Variants in SRGAP3 observed in about 807,000 individuals in gnomAD.
SRGAP3 encodes the protein SLIT-ROBO Rho GTPase activating protein 3.
A neutral mutation model predicts 121.1 loss-of-function variants in SRGAP3; 39 were observed. The ratio of observed to expected loss-of-function variants is 0.32; its 90% CI spans 0.25 to 0.42. The LOEUF is 0.42. Ranked by LOEUF, SRGAP3 falls within the 10% of genes least tolerant of loss-of-function variation. The pLI is 1.00. For synonymous variants in SRGAP3, 601 were observed against 570.0 expected (o/e 1.05, Z -0.77); for missense variants, 1,213 against 1,470.6 (o/e 0.82, Z 2.86).
At chr3:9,163,895 T>G (rs1400396582) in intron 1 of SRGAP3, among the ~76,000 whole-genome samples, 1 of 152,018 alleles carries the variant, frequency 6.6e-6, no homozygotes, top group Non-Finnish European at 1.5e-5. Context: ...TAGTACCCAT[T>G]GTTTCCATTG....
intron 3 of SRGAP3, among the ~76,000 whole-genome samples, chr3:9,266,226 A>G (rs1477782912): frequency 6.6e-6 from 1 of 152,096 alleles, no homozygotes; most frequent in Non-Finnish European, 1.5e-5. Flanking sequence ...CTGTCATGGC[A>G]TGGGGGGCAA....
Position 9,064,455 on chromosome 3 carries a change from G to T in SRGAP3, c.613C>A (p.His205Asn). Residue 205 changes from histidine (H) to asparagine (N), a missense_variant, in exon 5 of 22, where the codon CAC becomes AAC. By Grantham distance (68) the His-to-Asn change is moderately conservative (BLOSUM62 1). Around this residue, in one of 2 missense-constraint regions of SRGAP3, gnomAD observed 793 missense variants for 1,032.9 expected, o/e 0.77. Transcript: ENST00000383836. ...SGDLSMNLLR[H>N]EDRPQRRSSV... is the part of the protein sequence containing the mutation. ...CTGCGGCGCTGGGGCCGGTCCTCGT[G>T]CCGGAGCAGGTTCATGCTGAGGTCT... 2 of 1,614,228 alleles carry T rather than the reference G, an allele frequency of 1.2e-6. No homozygotes were observed. Among genetic ancestry groups the T allele is most frequent in the Non-Finnish European group, 1.7e-6 (2 of 1,180,044 alleles).
At chr3:9,258,572 T>C (rs1365921123) in intron 3 of SRGAP3, among the ~76,000 whole-genome samples, 1 of 152,122 alleles carries the variant, frequency 6.6e-6, no homozygotes, top group African/African-American at 2.4e-5. Context: ...AGAAAATATT[T>C]TGAGAGACAA....
intron 18 of SRGAP3, among the ~76,000 whole-genome samples, chr3:8,997,389 T>A (rs1199898027): frequency 6.6e-6 from 1 of 152,192 alleles, no homozygotes; most frequent in Non-Finnish European, 1.5e-5. Context: ...ACTTCCATAC[T>A]TGCTTAGGTA....
chr3:9,249,024 G>A lies in SRGAP3; in HGVS notation c.-73C>T, dbSNP rs1375933748. 1.4e-6 allele frequency: 2 copies of A among 1,453,086 alleles called. No individual in the cohort carries two copies. Among genetic ancestry groups the A allele is most frequent in the Non-Finnish European group, 9.7e-7 (1 of 1,034,886 alleles). 90.0% of individuals were successfully genotyped at this position (1,453,086 alleles called of 1,614,324 possible). A position where few individuals can be genotyped will look rare whatever the true frequency, so the allele number is the denominator to read the frequency against. Reference sequence around the variant, plus strand: ...CTTTTCTTTTCGAGTCCTCTCTCAAGCCCTGGTAATCACACAGCTCTGGTC... The same window carrying A: ...CTTTTCTTTTCGAGTCCTCTCTCAAACCCTGGTAATCACACAGCTCTGGTC... On this transcript the variant is annotated 5_prime_UTR_variant, in exon 1 of 22. Coordinates refer to ENST00000383836, the MANE Select transcript of SRGAP3 (RefSeq NM_014850.4).
chr3:9,022,991 G>C (rs1015448241), intron 14 of SRGAP3, among the ~76,000 whole-genome samples: 3 of 152,214 alleles, frequency 2.0e-5, no homozygotes, highest in African/African-American at 7.2e-5. Flanking sequence ...GCAAGTGACA[G>C]GAGGTGCTGA....
At chr3:9,333,751 T>C (rs1391928461) in intron 1 of SRGAP3, among the ~76,000 whole-genome samples, 2 of 152,170 alleles carry the variant, frequency 1.3e-5, no homozygotes, top group Non-Finnish European at 2.9e-5. Context: ...TACAATTTGG[T>C]AGACTTAATC....
At chr3:9,276,970 G>A (rs1005307057) in intron 3 of SRGAP3, among the ~76,000 whole-genome samples, 8 of 152,242 alleles carry the variant, frequency 5.3e-5, no homozygotes, top group East Asian at 1.9e-4. Flanking sequence ...TAACCAGCAC[G>A]TTTGGGTTGA....
In SRGAP3 at chr3:8,980,677, A is replaced by G. The variant is rs766893801; in HGVS notation, c.*4842T>C. ...ATCAGAATACGCGACAGAGGATCCA[A>G]TCAGACACTCTATAGGACGGGCGTT... On this transcript the variant is annotated 3_prime_UTR_variant, in exon 22 of 22. Transcript: ENST00000383836. 9.9e-5 allele frequency: 23 copies of G among 232,120 alleles called. No individual in the cohort carries two copies. Among genetic ancestry groups the G allele is most frequent in the Admixed American group, 4.0e-4 (7 of 17,720 alleles). The allele number at this position is 232,120 out of a possible 1,614,324, so 14.4% of individuals were successfully genotyped here.
chr3:9,117,523 C>T (rs1023321730), intron 2 of SRGAP3, among the ~76,000 whole-genome samples: 2 of 152,232 alleles, frequency 1.3e-5, no homozygotes, highest in Admixed American at 1.3e-4. Flanking sequence ...CAAATTCTGG[C>T]TTTTCCCAAA....
intron 2 of SRGAP3, among the ~76,000 whole-genome samples, chr3:9,112,890 C>G (rs1414592870): frequency 6.6e-6 from 1 of 152,234 alleles, no homozygotes; most frequent in Non-Finnish European, 1.5e-5. Flanking sequence ...GGCACACAGG[C>G]ACTCTCAGAA....
chr3:9,348,199 C>A (rs1955941494), intron 1 of SRGAP3, among the ~76,000 whole-genome samples: 1 of 152,144 alleles, frequency 6.6e-6, no homozygotes, highest in Non-Finnish European at 1.5e-5. Flanking sequence ...GCTCCAAAAC[C>A]TTTTCTCTGC....
chr3:8,990,378 C>T, intron 21 of SRGAP3, 134 bp downstream of exon 21: 1 of 1,162,180 alleles, frequency 8.6e-7, no homozygotes, highest in Non-Finnish European at 1.2e-6. Context: ...GACGGGGAGG[C>T]CACTCACTCT....
chr3:9,297,983 GC>G (rs963052466), intron 3 of SRGAP3, among the ~76,000 whole-genome samples: 6 of 152,048 alleles, frequency 3.9e-5, no homozygotes, highest in African/African-American at 1.4e-4. Context: ...GAATAAGAAG[GC>G]CACCTACACG....
At chr3:9,064,690 T>C in intron 4 of SRGAP3, 109 bp from the exon 5 acceptor site, 1 of 1,332,190 alleles carries the variant, frequency 7.5e-7, no homozygotes, top group Non-Finnish European at 1.0e-6. Context: ...GCCACTGCCC[T>C]GGTCCCAAAA....
chr3:9,027,131 T>C (rs1944246688), intron 12 of SRGAP3, 136 bp from the exon 13 acceptor site: 2 of 831,088 alleles, frequency 2.4e-6, no homozygotes, highest in South Asian at 2.7e-5. Context: ...AAGGAACTGC[T>C]AATCCTAAAG....
At chr3:8,999,162 A>C (rs1942596436) in intron 18 of SRGAP3, among the ~76,000 whole-genome samples, 1 of 152,194 alleles carries the variant, frequency 6.6e-6, no homozygotes, top group Admixed American at 6.5e-5. Context: ...CCAGCCCCTG[A>C]GCTACAGGAG....
intron 1 of SRGAP3, among the ~76,000 whole-genome samples, chr3:9,183,353 A>G (rs904811997): frequency 3.9e-5 from 6 of 152,204 alleles, no homozygotes; most frequent in African/African-American, 1.4e-4. Flanking sequence ...AAATGTATAC[A>G]ATATCTAACT....
At chr3:9,157,084 C>T (rs897209882) in intron 1 of SRGAP3, among the ~76,000 whole-genome samples, 1 of 152,074 alleles carries the variant, frequency 6.6e-6, no homozygotes, top group Non-Finnish European at 1.5e-5. Flanking sequence ...TTAGTCTGTT[C>T]TCACACCGCT....
Sources: allele counts gnomAD v4.1 joint callset (sites outside exome capture counted in the v4.1 genomes callset), GRCh38; gene constraint gnomAD v4.1.1; regional missense constraint gnomAD v4.1.1; transcripts MANE v1.5; gene names NCBI Gene and HGNC (gene_info 2026-07-23, HGNC 2026-07-21).